The following NIM1K variants were observed in gnomAD, a reference collection of about 807,000 sequenced individuals.
NIM1K encodes the protein serine/threonine-protein kinase NIM1.
NIM1K carries 35 observed loss-of-function variants against 37.1 expected under a neutral mutation model. That is an observed-to-expected ratio of 0.94 (90% CI 0.72 to 1.25). The LOEUF is 1.25. Ranked by LOEUF, NIM1K falls within the 50% of genes most tolerant of loss-of-function variation. NIM1K has a pLI of 0.00. For missense variants in NIM1K, 564 were observed against 548.0 expected (o/e 1.03, Z -0.29); for synonymous variants, 234 against 206.6 (o/e 1.13, Z -1.14).
At chr5:43,257,260 T>G (rs1056856213) in intron 2 of NIM1K, among the ~76,000 whole-genome samples, 1 of 151,948 alleles carries the variant, frequency 6.6e-6, no homozygotes, top group Non-Finnish European at 1.5e-5. Flanking sequence ...ATTTTAGCAA[T>G]TTGGAGGTCA....
At chr5:43,240,678 G>A (rs1752687486) in intron 1 of NIM1K, among the ~76,000 whole-genome samples, 1 of 151,724 alleles carries the variant, frequency 6.6e-6, no homozygotes, top group African/African-American at 2.4e-5. Flanking sequence ...GGGATTACAG[G>A]TGTGTGCCGC....
At chr5:43,272,269 C>A (rs1753269056) in intron 2 of NIM1K, among the ~76,000 whole-genome samples, 1 of 152,178 alleles carries the variant, frequency 6.6e-6, no homozygotes, top group Non-Finnish European at 1.5e-5. Context: ...CCCTACTTTT[C>A]TCTAGCTAAC....
At chr5:43,273,662 C>T (rs1313003010) in intron 2 of NIM1K, among the ~76,000 whole-genome samples, 1 of 152,180 alleles carries the variant, frequency 6.6e-6, no homozygotes, top group Non-Finnish European at 1.5e-5. Context: ...CTGGGGCCAC[C>T]CCTCCTCATT....
intron 1 of NIM1K, among the ~76,000 whole-genome samples, chr5:43,222,048 A>C (rs1561077808): frequency 6.6e-6 from 1 of 152,210 alleles, no homozygotes; most frequent in Non-Finnish European, 1.5e-5. Flanking sequence ...TTTGCTTTCC[A>C]AGTGGACAGA....
At chr5:43,270,414 A>G (rs573146033) in intron 2 of NIM1K, among the ~76,000 whole-genome samples, 12 of 152,344 alleles carry the variant, frequency 7.9e-5, no homozygotes, top group Admixed American at 7.8e-4. Context: ...CCAAAGTAAA[A>G]TGAAGGAAGA....
At chr5:43,235,845 C>G (rs77522754) in intron 1 of NIM1K, among the ~76,000 whole-genome samples, 1 of 142,638 alleles carries the variant, frequency 7.0e-6, no homozygotes, top group African/African-American at 2.6e-5. Flanking sequence ...CCCTCCCCAT[C>G]TTTTTTTTTT....
rs1753354311 is a variant in NIM1K, at chr5:43,277,147, T to A, written c.383T>A (p.Leu128Gln). The change falls in exon 3 of 4, where the codon CTG becomes CAG. Residue 128 changes from leucine (L) to glutamine (Q), a missense_variant. By Grantham distance (113) the Leu-to-Gln change is moderately radical. Transcript: ENST00000326035. ...LSREISSMEK[L>Q]HHPNIIRLYE... ...CGAGAAATCTCCAGCATGGAAAAGCTGCACCATCCCAACATCATCCGCCTT... is the reference window on the plus strand; with the variant it reads ...CGAGAAATCTCCAGCATGGAAAAGCAGCACCATCCCAACATCATCCGCCTT... 9.9e-6 allele frequency: 16 copies of A among 1,614,006 alleles called. No homozygotes were observed. Among genetic ancestry groups the A allele is most frequent in the Non-Finnish European group, 1.4e-5 (16 of 1,179,960 alleles).
intron 1 of NIM1K, among the ~76,000 whole-genome samples, chr5:43,234,695 C>T (rs1053345776): frequency 6.6e-6 from 1 of 152,130 alleles, no homozygotes; most frequent in South Asian, 2.1e-4. Context: ...AATGCAGTGG[C>T]GCGATCTTGG....
In NIM1K at chr5:43,280,153, G is replaced by A. The variant is rs144757533; in HGVS notation, c.735G>A (p.Glu245=). ...CTGCGCCTGAACTCTTCCGGGACGAGCACTACATCGGCATTTACGTGGATA... is the reference window on the plus strand; with the variant it reads ...CTGCGCCTGAACTCTTCCGGGACGAACACTACATCGGCATTTACGTGGATA... ...PYAAPELFRD[E]HYIGIYVDIW... Residue 245 remains glutamate (E), a synonymous_variant, in exon 4 of 4, where the codon GAG becomes GAA. Transcript: ENST00000326035. The A allele has an allele frequency of 2.5e-6, 4 of 1,614,080 alleles. No individual in the cohort carries two copies. Among genetic ancestry groups the A allele is most frequent in the South Asian group, 2.2e-5 (2 of 91,086 alleles).
At chr5:43,253,567 G>A (rs1316480969) in intron 2 of NIM1K, among the ~76,000 whole-genome samples, 1 of 152,072 alleles carries the variant, frequency 6.6e-6, no homozygotes, top group Non-Finnish European at 1.5e-5. Flanking sequence ...CACCCACAGA[G>A]TCATGGGAAA....
chr5:43,243,895 T>A (rs1752740075), intron 1 of NIM1K, among the ~76,000 whole-genome samples: 2 of 152,142 alleles, frequency 1.3e-5, no homozygotes. Flanking sequence ...AGGGGAACTT[T>A]ATCTTAAAAA....
chr5:43,241,571 C>T (rs1036482709), intron 1 of NIM1K, among the ~76,000 whole-genome samples: 1 of 151,932 alleles, frequency 6.6e-6, no homozygotes, highest in Non-Finnish European at 1.5e-5. Flanking sequence ...GATCTCTTGA[C>T]CTCGTGATCC....
At chr5:43,207,382 T>C (rs1752133169) in intron 1 of NIM1K, 3 of 839,744 alleles carry the variant, frequency 3.6e-6, no homozygotes, top group Admixed American at 3.4e-5. Context: ...GAAAGAAATA[T>C]ATGCGAAAAA....
At chr5:43,212,297 T>C (rs1752216421) in intron 1 of NIM1K, among the ~76,000 whole-genome samples, 2 of 152,092 alleles carry the variant, frequency 1.3e-5, no homozygotes, top group African/African-American at 2.4e-5. Flanking sequence ...TTCTGTTCCT[T>C]ATCCTTCCCA....
At position 43,245,470 on chromosome 5, in the gene NIM1K, A is replaced by G; in HGVS notation, c.-306A>G. On this transcript the variant is annotated 5_prime_UTR_variant, in exon 2 of 4. Coordinates refer to ENST00000326035, the MANE Select transcript of NIM1K (RefSeq NM_153361.4). ...CTGGCCAGAAAGTTCCTGGAGTCCCATCAGGCCAGTGGGTATGTAACATGT... is the reference window on the plus strand; with the variant it reads ...CTGGCCAGAAAGTTCCTGGAGTCCCGTCAGGCCAGTGGGTATGTAACATGT... The G allele has an allele frequency of 4.1e-6, 1 of 244,090 alleles. No individual in the cohort carries two copies. The highest frequency in any genetic ancestry group is 7.8e-6 in the Non-Finnish European group (1 of 127,896). The allele number at this position is 244,090 out of a possible 1,614,324, so 15.1% of individuals were successfully genotyped here. A position where few individuals can be genotyped will look rare whatever the true frequency, so the allele number is the denominator to read the frequency against.
intron 1 of NIM1K, among the ~76,000 whole-genome samples, chr5:43,201,027 A>G (rs1187964360): frequency 6.6e-6 from 1 of 151,352 alleles, no homozygotes; most frequent in Non-Finnish European, 1.5e-5. Context: ...TCAGAAGCCA[A>G]GGGAGGAGAA....
intron 3 of NIM1K, among the ~76,000 whole-genome samples, chr5:43,279,017 TTGG>T (rs1220739497): frequency 6.6e-6 from 1 of 152,106 alleles, no homozygotes; most frequent in Admixed American, 6.5e-5. Flanking sequence ...GAAAAGTAAC[TTGG>T]TGGGAGAACA....
chr5:43,269,587 TTGTG>T (rs35069343), intron 2 of NIM1K, among the ~76,000 whole-genome samples: 46 of 151,072 alleles, frequency 3.0e-4, no homozygotes, highest in Admixed American at 2.5e-3. Flanking sequence ...CTGGATCCTT[TTGTG>T]TGTGTGTGTG....
At chr5:43,259,176 G>A (rs1364555352) in intron 2 of NIM1K, among the ~76,000 whole-genome samples, 8 of 152,136 alleles carry the variant, frequency 5.3e-5, no homozygotes, top group Non-Finnish European at 1.0e-4. Context: ...ACTTAGGTTG[G>A]TTCCAGATCT....
Sources: allele counts gnomAD v4.1 joint callset (sites outside exome capture counted in the v4.1 genomes callset), GRCh38; gene constraint gnomAD v4.1.1; transcripts MANE v1.5; gene names NCBI Gene and HGNC (gene_info 2026-07-23, HGNC 2026-07-21).